The following COPG2 variants were observed in gnomAD, a reference collection of about 807,000 sequenced individuals.
The protein encoded by COPG2 is coatomer subunit gamma-2.
Under a neutral mutation model 46.3 loss-of-function variants are expected in COPG2, and 37 were observed. The observed-to-expected ratio is 0.80, with a 90% confidence interval of 0.61 to 1.05. COPG2 has a LOEUF of 1.05. COPG2 is among the 50% of genes least tolerant of loss of function. The pLI is 0.00. For missense variants in COPG2, 427 were observed against 387.8 expected, an observed-to-expected ratio of 1.10 and a Z score of -0.85; for synonymous variants, 159 against 129.7, an observed-to-expected ratio of 1.23 and a Z score of -1.53.
At position 130,521,966 on chromosome 7, in the gene COPG2, A is replaced by AT. The variant is rs1470149200; in HGVS notation, c.2150-13308dup. ...GGAGAGGCACCGTAGATTGAGTAGT[A>AT]TACTTAAATGTGATTCCAAAAAGGA... On this transcript the variant is annotated intron_variant, in intron 20 of 23. Coordinates refer to ENST00000425248, the MANE Select transcript of COPG2 (RefSeq NM_012133.6). Among the ~76,000 whole-genome samples, 16 of 152,340 alleles carry AT rather than the reference A, an allele frequency of 1.1e-4. No individual in the cohort carries two copies. In the East Asian group the frequency reaches 2.9e-3, roughly 28 times the overall value.
Position 130,551,352 on chromosome 7 carries a change from G to C in COPG2, c.1545-8C>G, listed in dbSNP as rs973643087. ...TCAGTATCCATCATACACCTGTCCAGGGGAAACAGAATAGTCATGTCACAG... is the reference window on the plus strand; with the variant it reads ...TCAGTATCCATCATACACCTGTCCACGGGAAACAGAATAGTCATGTCACAG... On this transcript the variant is annotated splice_polypyrimidine_tract_variant and splice_region_variant and intron_variant, in intron 15 of 23. Coordinates refer to ENST00000425248, the MANE Select transcript of COPG2 (RefSeq NM_012133.6). 1.0e-4 allele frequency: 40 copies of C among 398,252 alleles called. No homozygotes were observed. Among genetic ancestry groups the C allele is most frequent in the Non-Finnish European group, 1.7e-4 (39 of 225,934 alleles). The allele number at this position is 398,252 out of a possible 1,614,324, so 24.7% of individuals were successfully genotyped here.
intron 20 of COPG2, among the ~76,000 whole-genome samples, chr7:130,519,367 G>A (rs1331022787): frequency 6.6e-6 from 1 of 152,142 alleles, no homozygotes; most frequent in African/African-American, 2.4e-5. Flanking sequence ...TTAATGCGAC[G>A]GACTTAAAAT....
At chr7:130,517,588 T>G (rs1799690074) in intron 20 of COPG2, among the ~76,000 whole-genome samples, 1 of 152,224 alleles carries the variant, frequency 6.6e-6, no homozygotes, top group African/African-American at 2.4e-5. Flanking sequence ...ATTGACCATT[T>G]AGGGAGGGTG....
chr7:130,535,622 G>A (rs1293107287), intron 20 of COPG2, among the ~76,000 whole-genome samples: 1 of 148,952 alleles, frequency 6.7e-6, no homozygotes, highest in Non-Finnish European at 1.5e-5. Flanking sequence ...CTACGGATCC[G>A]GCAGGGAAGG....
chr7:130,509,157 G>C, intron 20 of COPG2: 1 of 445,148 alleles, frequency 2.2e-6, no homozygotes, highest in Non-Finnish European at 4.5e-6. Flanking sequence ...CAGATCACCA[G>C]AGAGAACTTG....
At chr7:130,569,484 A>G (rs1793858159) in intron 9 of COPG2, among the ~76,000 whole-genome samples, 2 of 152,172 alleles carry the variant, frequency 1.3e-5, no homozygotes, top group African/African-American at 4.8e-5. Context: ...CTGGAAATAT[A>G]CAAACCCTCC....
At chr7:130,534,877 A>G (rs1441545221) in intron 20 of COPG2, among the ~76,000 whole-genome samples, 5 of 152,068 alleles carry the variant, frequency 3.3e-5, no homozygotes, top group East Asian at 1.9e-4. Flanking sequence ...GAAAGGAGGA[A>G]GAGGAGGAAG....
chr7:130,509,421 C>A, intron 20 of COPG2: 1 of 417,628 alleles, frequency 2.4e-6, no homozygotes. Flanking sequence ...CATTTAGGAT[C>A]TTGTCTATGG....
At chr7:130,536,852 G>A (rs2116365976) in intron 20 of COPG2, among the ~76,000 whole-genome samples, 1 of 152,202 alleles carries the variant, frequency 6.6e-6, no homozygotes, top group East Asian at 1.9e-4. Context: ...GGGGCCCAGT[G>A]ACACAGAGGA....
Position 130,666,943 on chromosome 7 carries a change from T to TA in COPG2, c.91-15dup. ...GAATATACGAGCCTATGAAAAAACA[T>TA]AAAAAACATTGCTACTTTTCTACCT... On this transcript the variant is annotated splice_polypyrimidine_tract_variant and intron_variant, in intron 2 of 23. Coordinates refer to ENST00000425248, the MANE Select transcript of COPG2 (RefSeq NM_012133.6). The TA allele has an allele frequency of 1.0e-5, 14 of 1,397,722 alleles. No homozygotes were observed. Among genetic ancestry groups the TA allele is most frequent in the Non-Finnish European group, 1.4e-5 (14 of 1,010,386 alleles). The allele number at this position is 1,397,722 out of a possible 1,614,324, so 86.6% of individuals were successfully genotyped here.
At chr7:130,660,502 A>G (rs1382164658) in intron 4 of COPG2, among the ~76,000 whole-genome samples, 2 of 152,094 alleles carry the variant, frequency 1.3e-5, no homozygotes, top group African/African-American at 4.8e-5. Context: ...CACCAGGCCT[A>G]CAGGTGGGGA....
intron 9 of COPG2, among the ~76,000 whole-genome samples, chr7:130,570,085 C>CCA (rs1371355997): frequency 6.6e-6 from 1 of 152,080 alleles, no homozygotes; most frequent in Non-Finnish European, 1.5e-5. Context: ...TAGGAGAAAC[C>CCA]CACAGTTGGC....
intron 9 of COPG2, among the ~76,000 whole-genome samples, chr7:130,597,993 GA>G (rs1794562543): frequency 1.3e-5 from 2 of 152,168 alleles, no homozygotes; most frequent in Admixed American, 1.3e-4. Flanking sequence ...CAAACAATGG[GA>G]CAGACAGCAG....
intron 7 of COPG2, 54 bp downstream of exon 7, chr7:130,613,490 C>T (rs532244721): frequency 4.8e-5 from 51 of 1,054,364 alleles, no homozygotes; most frequent in East Asian, 1.3e-4. Flanking sequence ...ACTTTGTTTT[C>T]GCAACTCAAA....
At chr7:130,631,295 T>C (rs1427383417) in intron 5 of COPG2, among the ~76,000 whole-genome samples, 3 of 151,672 alleles carry the variant, frequency 2.0e-5, no homozygotes, top group Non-Finnish European at 4.4e-5. Flanking sequence ...GTAACTGGGA[T>C]TACAGGCACG....
At chr7:130,515,726 G>T (rs1431291872) in intron 20 of COPG2, among the ~76,000 whole-genome samples, 2 of 152,090 alleles carry the variant, frequency 1.3e-5, no homozygotes, top group African/African-American at 4.8e-5. Context: ...GAATGGAGGT[G>T]ATGGAGGGTA....
At chr7:130,608,531 T>C (rs1794780590) in intron 9 of COPG2, among the ~76,000 whole-genome samples, 1 of 152,208 alleles carries the variant, frequency 6.6e-6, no homozygotes, top group Non-Finnish European at 1.5e-5. Flanking sequence ...TTTTTCCTGG[T>C]TGAAAATGTT....
chr7:130,656,646 T>G (rs566430969), intron 4 of COPG2, among the ~76,000 whole-genome samples: 1 of 152,038 alleles, frequency 6.6e-6, no homozygotes, highest in African/African-American at 2.4e-5. Context: ...AAAAGGTCAA[T>G]ATATAAAAGT....
At chr7:130,558,531 C>T (rs1793667136) in intron 12 of COPG2, among the ~76,000 whole-genome samples, 1 of 152,064 alleles carries the variant, frequency 6.6e-6, no homozygotes, top group Non-Finnish European at 1.5e-5. Context: ...AGTAGTGTGA[C>T]AACATACTAA....
Sources: gnomAD v4.1 joint callset for allele counts (sites outside exome capture counted in the v4.1 genomes callset) on GRCh38, gnomAD v4.1.1 for gene constraint, MANE v1.5 for transcripts, NCBI Gene and HGNC (gene_info 2026-07-23, HGNC 2026-07-21) for gene names.